Variants in TMEM131 observed in about 807,000 individuals in gnomAD.
The protein encoded by TMEM131 is transmembrane protein 131.
Under a neutral mutation model 211.6 loss-of-function variants are expected in TMEM131, and 66 were observed. The observed-to-expected ratio is 0.31, with a 90% confidence interval of 0.26 to 0.38. The LOEUF is 0.38. Among genes scored for constraint, TMEM131 ranks in the 10% least tolerant of loss-of-function variants. TMEM131 has a pLI of 1.00. For missense variants in TMEM131, 2,036 were observed against 2,299.3 expected (o/e 0.89, Z 2.34); for synonymous variants, 844 against 841.3 (o/e 1.00, Z -0.06).
intron 25 of TMEM131, among the ~76,000 whole-genome samples, chr2:97,799,728 T>C (rs935241347): frequency 1.3e-5 from 2 of 152,220 alleles, no homozygotes; most frequent in Admixed American, 1.3e-4. Context: ...AAGGTCTGCA[T>C]GTCTCCGTGA....
At position 97,963,603 on chromosome 2, in the gene TMEM131, T is replaced by C. The variant is rs1678914619; in HGVS notation, c.187+31873A>G. On this transcript the variant is annotated intron_variant, in intron 1 of 40. Transcript: ENST00000186436. ...AGTGGTGGGCACCTGTAATCCCAGC[T>C]ACTCAGGAGGCTGAGGCAGGAGAAC... Among the ~76,000 whole-genome samples the C allele has an allele frequency of 2.0e-5, 3 of 152,150 alleles. No individual in the cohort carries two copies. The South Asian group carries it at 6.2e-4, about 31-fold the overall frequency.
chr2:97,912,177 T>C (rs531873335), intron 2 of TMEM131, among the ~76,000 whole-genome samples: 1 of 152,028 alleles, frequency 6.6e-6, no homozygotes, highest in East Asian at 1.9e-4. Context: ...AACTTTACAA[T>C]GTAAAGATAC....
rs532743828 is a variant in TMEM131 at position 97,870,039 on chromosome 2, C to T, written c.360-10612G>A. 1.9e-3 allele frequency among the ~76,000 whole-genome samples: 295 copies of T among 152,230 alleles called. 1 individual carries two copies. The highest frequency in any genetic ancestry group is 6.4e-3 in the African/African-American group (265 of 41,536). On this transcript the variant is annotated intron_variant, in intron 4 of 40. Coordinates refer to ENST00000186436, the MANE Select transcript of TMEM131 (RefSeq NM_015348.2). ...GACCCTACCATTTTCAAAAGCAGCA[C>T]GAAGAAACTCTCTTGCATCCAATAT...
chr2:97,814,314 A>C lies in TMEM131; in HGVS notation c.1367T>G (p.Ile456Ser). 1.9e-6 allele frequency: 3 copies of C among 1,613,928 alleles called. No homozygotes were observed. The highest frequency in any genetic ancestry group is 2.5e-6 in the Non-Finnish European group (3 of 1,179,870). Reference protein sequence around the residue: ...DSPADPVERPIYLTNTFSFAI... With the variant: ...DSPADPVERPSYLTNTFSFAI... ...AAAACTGAAAGTGTTAGTAAGGTAA[A>C]TTGGCCTTTCCACAGGATCAGCAGG... Residue 456 changes from isoleucine to serine, a missense_variant, in exon 14 of 41, where the codon ATT (isoleucine) becomes AGT (serine). Coordinates refer to ENST00000186436, the MANE Select transcript of TMEM131 (RefSeq NM_015348.2).
intron 3 of TMEM131, among the ~76,000 whole-genome samples, chr2:97,894,476 T>C (rs1675518767): frequency 6.6e-6 from 1 of 152,232 alleles, no homozygotes; most frequent in Admixed American, 6.5e-5. Context: ...TTGGGCAGTA[T>C]GGCCATTTTC....
chr2:97,759,312 C>G (rs762026906), intron 39 of TMEM131: 1 of 560,398 alleles, frequency 1.8e-6, no homozygotes, highest in East Asian at 3.0e-5. Flanking sequence ...TAATGGGAAG[C>G]TTCCATGGTG....
rs1276870648 is a variant in TMEM131, at chr2:97,792,671, G to T, written c.3859C>A (p.Gln1287Lys). Reference sequence around the variant, plus strand: ...TGGGCATGGTGCTGGCTGCCGTGCTGGCTCTGCTTTGCCCCTTTGGACTTT... The same window carrying T: ...TGGGCATGGTGCTGGCTGCCGTGCTTGCTCTGCTTTGCCCCTTTGGACTTT... ...GRKSKGAKQS[Q>K]HGSQHHAHSP... The change falls in exon 31 of 41, where the codon CAG becomes AAG. Residue 1287 changes from glutamine (Q) to lysine (K), a missense_variant. Transcript: ENST00000186436. The T allele has an allele frequency of 6.2e-7, 1 of 1,614,010 alleles. No individual in the cohort carries two copies. The highest frequency in any genetic ancestry group is 1.7e-5 in the Admixed American group (1 of 60,032).
chr2:97,812,603 C>T (rs373156514), intron 16 of TMEM131, 36 bp downstream of exon 16: 27 of 1,583,386 alleles, frequency 1.7e-5, no homozygotes, highest in Non-Finnish European at 2.1e-5. Context: ...AGCATAAAAT[C>T]CTTAAATGTG....
intron 32 of TMEM131, among the ~76,000 whole-genome samples, chr2:97,773,006 G>T (rs1573335629): frequency 6.6e-6 from 1 of 152,234 alleles, no homozygotes; most frequent in East Asian, 1.9e-4. Context: ...GGCAGTGGCA[G>T]TAGCAAATTG....
chr2:97,977,114 G>T (rs554224831), intron 1 of TMEM131, among the ~76,000 whole-genome samples: 2 of 152,288 alleles, frequency 1.3e-5, no homozygotes, highest in South Asian at 4.1e-4. Context: ...ATTAGGCAGA[G>T]ATTTCTTAGA....
chr2:97,920,332 G>GT (rs1171356966), intron 2 of TMEM131, among the ~76,000 whole-genome samples: 24 of 152,268 alleles, frequency 1.6e-4, no homozygotes, highest in Admixed American at 3.9e-4. Context: ...AGAAAAAATC[G>GT]TATCTAACCG....
At chr2:97,930,618 A>G (rs1677179502) in intron 1 of TMEM131, among the ~76,000 whole-genome samples, 1 of 151,810 alleles carries the variant, frequency 6.6e-6, no homozygotes, top group South Asian at 2.1e-4. Context: ...TTTGCTTTAA[A>G]CAGCCAATTA....
chr2:97,808,287 G>A (rs1161872036), intron 19 of TMEM131, among the ~76,000 whole-genome samples: 1 of 152,150 alleles, frequency 6.6e-6, no homozygotes, highest in African/African-American at 2.4e-5. Flanking sequence ...TTGGGTTAGG[G>A]ATGCTCAACT....
intron 4 of TMEM131, among the ~76,000 whole-genome samples, chr2:97,868,114 G>A (rs1364048347): frequency 3.3e-5 from 5 of 151,956 alleles, no homozygotes; most frequent in East Asian, 1.9e-4. Context: ...TGCATATTTC[G>A]AGTTGTTATT....
intron 5 of TMEM131, among the ~76,000 whole-genome samples, chr2:97,854,907 T>G (rs1673774645): frequency 6.6e-6 from 1 of 152,184 alleles, no homozygotes; most frequent in African/African-American, 2.4e-5. Context: ...CCACCCTATT[T>G]AAAATGGTAC....
Position 97,762,187 on chromosome 2 carries a change from A to G in TMEM131, c.4737T>C (p.Leu1579=), listed in dbSNP as rs200808243. The change falls in exon 36 of 41, where the codon CTT becomes CTC. Residue 1579 remains leucine, a synonymous_variant. Transcript: ENST00000186436. The part of the protein sequence containing the change: ...VHKPGSSTDS[L]YKLSLQTLNA... ...TGAGGGTTTGCAGAGAAAGTTTATAAAGACTATCAGTAGCTGGAAATTAAA... is the reference window on the plus strand; with the variant it reads ...TGAGGGTTTGCAGAGAAAGTTTATAGAGACTATCAGTAGCTGGAAATTAAA... 6.2e-7 allele frequency: 1 copy of G among 1,613,942 alleles called. No homozygotes were observed. The highest frequency in any genetic ancestry group is 2.2e-5 in the East Asian group (1 of 44,874).
Position 97,801,967 on chromosome 2 carries a change from ACAAAAAATGTACACATATTTATT to A in TMEM131, c.2652-29_2652-7del, listed in dbSNP as rs1239092738. The A allele has an allele frequency of 1.9e-6, 3 of 1,597,262 alleles. No individual in the cohort carries two copies. Among genetic ancestry groups the A allele is most frequent in the Admixed American group, 3.4e-5 (2 of 58,922 alleles). ...CCACCTTACTCAAGTTAAACCTAAA[ACAAAAAATGTACACATATTTATT>A]CATAAGCAACATCACAGTTAAGGGA... On this transcript the variant is annotated splice_polypyrimidine_tract_variant and splice_region_variant and intron_variant, in intron 24 of 40. Coordinates refer to ENST00000186436, the MANE Select transcript of TMEM131 (RefSeq NM_015348.2).
At chr2:97,790,375 A>G (rs1356413676) in intron 31 of TMEM131, among the ~76,000 whole-genome samples, 2 of 152,232 alleles carry the variant, frequency 1.3e-5, no homozygotes, top group Non-Finnish European at 2.9e-5. Flanking sequence ...TGGGAAGGAT[A>G]GTGAGTAGAG....
intron 6 of TMEM131, among the ~76,000 whole-genome samples, chr2:97,843,854 TA>T (rs1022260002): frequency 5.3e-5 from 8 of 152,338 alleles, no homozygotes; most frequent in African/African-American, 1.9e-4. Context: ...CATAAGTGTG[TA>T]AAAGTAAAAA....
Sources: gnomAD v4.1 joint callset for allele counts (sites outside exome capture counted in the v4.1 genomes callset) on GRCh38, gnomAD v4.1.1 for gene constraint, MANE v1.5 for transcripts, NCBI Gene and HGNC (gene_info 2026-07-23, HGNC 2026-07-21) for gene names.